LACTB: variants seen among roughly 807,000 people sequenced by gnomAD.
LACTB encodes the protein lactamase beta, also known as serine beta-lactamase-like protein LACTB, mitochondrial.
LACTB carries 35 observed loss-of-function variants against 50.2 expected under a neutral mutation model. That is an observed-to-expected ratio of 0.70 (90% CI 0.53 to 0.92). The LOEUF is 0.92. LACTB is among the 40% of genes least tolerant of loss of function. The probability of loss-of-function intolerance (pLI) is 0.00; values close to 1 mark genes in which losing one functional copy is unlikely to be tolerated. For missense variants in LACTB, 664 were observed against 691.8 expected (o/e 0.96, Z 0.45); for synonymous variants, 252 against 268.2 (o/e 0.94, Z 0.59).
At chr15:63,133,503 G>C (rs1000103223) in intron 5 of LACTB, among the ~76,000 whole-genome samples, 1 of 152,098 alleles carries the variant, frequency 6.6e-6, no homozygotes, top group Non-Finnish European at 1.5e-5. Context: ...GCACACCTGC[G>C]GTCCTAGTTA....
At chr15:63,130,772 G>A (rs2037122584) in intron 5 of LACTB, 1 of 152,106 alleles carries the variant, frequency 6.6e-6, no homozygotes, top group Admixed American at 6.6e-5. Flanking sequence ...TTTTGAGGTG[G>A]TGCCTGTCAG....
At chr15:63,124,301 TAA>T (rs35526267) in intron 2 of LACTB, among the ~76,000 whole-genome samples, 114,193 of 151,828 alleles carry the variant, frequency 0.75, 43,320 homozygotes, top group East Asian at 1. Context: ...TACAAACTAA[TAA>T]GATTAATGAT....
At chr15:63,126,269 G>A (rs1261262611) in intron 2 of LACTB, among the ~76,000 whole-genome samples, 1 of 152,108 alleles carries the variant, frequency 6.6e-6, no homozygotes, top group African/African-American at 2.4e-5. Flanking sequence ...AGCCTCCCGA[G>A]TAGCTGGGAT....
In LACTB at chr15:63,141,473, G is replaced by A; in HGVS notation, c.1312G>A (p.Glu438Lys). 1 of 1,614,192 alleles carries A rather than the reference G, an allele frequency of 6.2e-7. No individual in the cohort carries two copies. The highest frequency in any genetic ancestry group is 1.3e-5 in the African/African-American group (1 of 75,046). Residue 438 changes from glutamate to lysine, a missense_variant, in exon 6 of 6, where the codon GAA (glutamate) becomes AAA (lysine). Physicochemically the swap from Glu to Lys is moderately conservative, Grantham distance 56. Transcript: ENST00000261893. ...ENLLPGYLKP[E>K]TMVMMWTPVP... ...TCTTTTACCTGGATACCTCAAACCA[G>A]AAACAATGGTTATGATGTGGACCCC... is the stretch of plus-strand genomic sequence containing the variant.
Position 63,141,762 on chromosome 15 carries a change from CT to C in LACTB, c.1604del (p.Leu535Ter), listed in dbSNP as rs748830659. 2.5e-5 allele frequency: 41 copies of C among 1,613,760 alleles called. No homozygotes were observed. Among genetic ancestry groups the C allele is most frequent in the Non-Finnish European group, 3.4e-5 (40 of 1,179,674 alleles). On this transcript the variant is annotated frameshift_variant, in exon 6 of 6. Transcript: ENST00000261893. LOFTEE classifies it high-confidence loss of function. ...CAATCTGTTGGCCTCAATAGCACCGCTTTGAAGATTGCCCTTGAATTTGATA... is the reference window on the plus strand; with the variant it reads ...CAATCTGTTGGCCTCAATAGCACCGCTTGAAGATTGCCCTTGAATTTGATA... Reference protein sequence around the residue: ...NMQSVGLNSTALKIALEFDKD... With the variant: ...NMQSVGLNSTXLKIALEFDKD...
Position 63,142,024 on chromosome 15 carries a change from A to G in LACTB, c.*219A>G. On this transcript the variant is annotated 3_prime_UTR_variant, in exon 6 of 6. Transcript: ENST00000261893. ...TTATATTGTTTTTACTTTTTGAAAA[A>G]AGTGTTAACTCTTGAAATAAAATAT... The G allele has an allele frequency of 2.1e-6, 1 of 467,292 alleles. No individual in the cohort carries two copies. The highest frequency in any genetic ancestry group is 4.6e-5 in the South Asian group (1 of 21,870). The allele number at this position is 467,292 out of a possible 1,614,324, so 28.9% of individuals were successfully genotyped here.
intron 1 of LACTB, among the ~76,000 whole-genome samples, 168 bp downstream of exon 1, chr15:63,122,396 G>A: frequency 6.6e-6 from 1 of 152,204 alleles, no homozygotes; most frequent in Non-Finnish European, 1.5e-5. Context: ...GCTCTTGGGG[G>A]TTCCCCAAAT....
At chr15:63,134,263 C>T (rs993331748) in intron 5 of LACTB, among the ~76,000 whole-genome samples, 1 of 151,748 alleles carries the variant, frequency 6.6e-6, no homozygotes, top group African/African-American at 2.4e-5. Context: ...TGATAAAGTA[C>T]ATTGCAGGTA....
intron 5 of LACTB, among the ~76,000 whole-genome samples, chr15:63,133,440 G>C (rs2037150433): frequency 6.6e-6 from 1 of 152,138 alleles, no homozygotes; most frequent in Non-Finnish European, 1.5e-5. Context: ...TGGCAACAGA[G>C]TGAGACCCCA....
chr15:63,129,682 T>C, intron 5 of LACTB, 32 bp downstream of exon 5: 1 of 1,453,726 alleles, frequency 6.9e-7, no homozygotes, highest in Admixed American at 2.4e-5. Context: ...TGTCTAGCTA[T>C]ATCGCATCTT....
chr15:63,123,830 G>A (rs1347445423), intron 2 of LACTB, among the ~76,000 whole-genome samples: 1 of 152,212 alleles, frequency 6.6e-6, no homozygotes, highest in Non-Finnish European at 1.5e-5. Flanking sequence ...AGAAGGCAGA[G>A]CCAGGTGTAC....
intron 1 of LACTB, 90 bp from the exon 2 acceptor site, chr15:63,122,526 GAGGGGGCGGGGCCCAGGCTC>G (rs371808992): frequency 1.2e-4 from 106 of 881,760 alleles, no homozygotes; most frequent in Non-Finnish European, 1.3e-4. Flanking sequence ...GGCCCAGGTG[GAGGGGGCGGGGCCCAGGCTC>G]AGGGGGCGGG....
intron 5 of LACTB, among the ~76,000 whole-genome samples, chr15:63,134,934 AT>A (rs1257357203): frequency 6.6e-6 from 1 of 152,160 alleles, no homozygotes; most frequent in African/African-American, 2.4e-5. Flanking sequence ...TCAAACTAAA[AT>A]TTTATTATAA....
At chr15:63,122,571 C>A in intron 1 of LACTB, 65 bp from the exon 2 acceptor site, 2 of 1,325,338 alleles carry the variant, frequency 1.5e-6, no homozygotes, top group Non-Finnish European at 2.2e-6. Flanking sequence ...TGGAAGGTCC[C>A]CGAGGAGAGC....
chr15:63,124,852 G>A (rs2037027900), intron 2 of LACTB, among the ~76,000 whole-genome samples: 1 of 152,070 alleles, frequency 6.6e-6, no homozygotes, highest in Admixed American at 6.6e-5. Flanking sequence ...TACTCGGGAG[G>A]CCAGGATACG....
intron 2 of LACTB, among the ~76,000 whole-genome samples, 157 bp downstream of exon 2, chr15:63,122,859 A>G (rs1046817517): frequency 3.9e-5 from 6 of 152,242 alleles, no homozygotes; most frequent in Non-Finnish European, 8.8e-5. Context: ...AGGTGTTTTT[A>G]AATCACGGTA....
intron 2 of LACTB, among the ~76,000 whole-genome samples, chr15:63,123,306 G>T (rs965211497): frequency 6.6e-6 from 1 of 152,196 alleles, no homozygotes; most frequent in African/African-American, 2.4e-5. Flanking sequence ...GTACTTGCAG[G>T]TAACACTTAT....
intron 5 of LACTB, among the ~76,000 whole-genome samples, chr15:63,134,898 G>T (rs2037163129): frequency 6.6e-6 from 1 of 151,738 alleles, no homozygotes; most frequent in Non-Finnish European, 1.5e-5. Context: ...TAAAAAAAAA[G>T]TTTGAAAGCC....
intron 2 of LACTB, among the ~76,000 whole-genome samples, chr15:63,126,331 G>A (rs565931784): frequency 3.9e-5 from 6 of 152,166 alleles, no homozygotes; most frequent in East Asian, 1.9e-4. Context: ...TAGTAGAGAC[G>A]GGGTTTTACC....
Sources: allele counts gnomAD v4.1 joint callset (sites outside exome capture counted in the v4.1 genomes callset), GRCh38; gene constraint gnomAD v4.1.1; transcripts MANE v1.5; gene names NCBI Gene and HGNC (gene_info 2026-07-23, HGNC 2026-07-21).